PIP4K2A: variants seen among roughly 807,000 people sequenced by gnomAD.
The protein encoded by PIP4K2A is phosphatidylinositol 5-phosphate 4-kinase type-2 alpha.
In PIP4K2A, 14 loss-of-function variants were observed where a neutral mutation model predicts 42.9. The observed-to-expected ratio is 0.33, with a 90% CI of 0.22 to 0.51. PIP4K2A has a LOEUF of 0.51. Among genes scored for constraint, PIP4K2A ranks in the 20% least tolerant of loss-of-function variants. PIP4K2A has a pLI of 0.97. For missense variants in PIP4K2A, 434 were observed against 519.8 expected (o/e 0.83, Z 1.61); for synonymous variants, 192 against 192.2 (o/e 1.00, Z 0.01).
chr10:22,685,459 C>T (rs1839745963), intron 1 of PIP4K2A, among the ~76,000 whole-genome samples: 1 of 152,122 alleles, frequency 6.6e-6, no homozygotes, highest in Non-Finnish European at 1.5e-5. Context: ...CTTTGGGAGG[C>T]TGAGGCAGGA....
chr10:22,636,144 G>A (rs1838658091), intron 1 of PIP4K2A, among the ~76,000 whole-genome samples: 1 of 152,162 alleles, frequency 6.6e-6, no homozygotes, highest in African/African-American at 2.4e-5. Context: ...GTCTTGAAAA[G>A]GAACTGGAGA....
intron 1 of PIP4K2A, among the ~76,000 whole-genome samples, chr10:22,667,993 C>G (rs1839382958): frequency 6.6e-6 from 1 of 150,528 alleles, no homozygotes; most frequent in East Asian, 1.9e-4. Context: ...ACTCTATCAC[C>G]CAGGCTGGAC....
intron 1 of PIP4K2A, among the ~76,000 whole-genome samples, chr10:22,640,771 C>T (rs1359065466): frequency 9.9e-5 from 15 of 152,212 alleles, no homozygotes; most frequent in Admixed American, 9.8e-4. Context: ...GTTTTGTATT[C>T]CCTAATGCAA....
intron 1 of PIP4K2A, among the ~76,000 whole-genome samples, chr10:22,681,937 A>G (rs1374188921): frequency 1.3e-5 from 2 of 152,170 alleles, no homozygotes; most frequent in Non-Finnish European, 2.9e-5. Flanking sequence ...ACTTATCTAC[A>G]GACACTGAAA....
At chr10:22,699,459 C>G (rs935029567) in intron 1 of PIP4K2A, among the ~76,000 whole-genome samples, 3 of 151,616 alleles carry the variant, frequency 2.0e-5, no homozygotes, top group African/African-American at 7.3e-5. Flanking sequence ...TGCTGAGTAG[C>G]GCAGGGAGAC....
intron 3 of PIP4K2A, among the ~76,000 whole-genome samples, chr10:22,596,532 T>C (rs538552902): frequency 6.6e-6 from 1 of 152,330 alleles, no homozygotes; most frequent in South Asian, 2.1e-4. Flanking sequence ...AAACAGTCTA[T>C]CTACTGACAC....
chr10:22,541,118 A>G (rs941634413), intron 8 of PIP4K2A, among the ~76,000 whole-genome samples: 1 of 152,238 alleles, frequency 6.6e-6, no homozygotes, highest in African/African-American at 2.4e-5. Context: ...AGGATGTAAT[A>G]TTCAAATAAC....
intron 6 of PIP4K2A, among the ~76,000 whole-genome samples, chr10:22,561,006 A>G (rs1836678874): frequency 6.6e-6 from 1 of 152,244 alleles, no homozygotes; most frequent in Non-Finnish European, 1.5e-5. Flanking sequence ...CCGCTCAGCT[A>G]TAATTACTAA....
At chr10:22,601,806 G>C (rs1837787267) in intron 3 of PIP4K2A, among the ~76,000 whole-genome samples, 1 of 152,132 alleles carries the variant, frequency 6.6e-6, no homozygotes, top group African/African-American at 2.4e-5. Context: ...TAAGTCAACA[G>C]GTCAAAAACT....
At chr10:22,593,359 T>A (rs1221982053) in intron 3 of PIP4K2A, among the ~76,000 whole-genome samples, 1 of 152,042 alleles carries the variant, frequency 6.6e-6, no homozygotes, top group Non-Finnish European at 1.5e-5. Flanking sequence ...AAAAAAAAAA[T>A]CTACATAATC....
chr10:22,589,196 C>T (rs944281314), intron 4 of PIP4K2A, among the ~76,000 whole-genome samples: 3 of 152,132 alleles, frequency 2.0e-5, no homozygotes, highest in Admixed American at 2.0e-4. Context: ...GATATCACTT[C>T]GCTTTGAATG....
At chr10:22,705,099 G>A (rs1227696563) in intron 1 of PIP4K2A, among the ~76,000 whole-genome samples, 1 of 151,958 alleles carries the variant, frequency 6.6e-6, no homozygotes, top group African/African-American at 2.4e-5. Context: ...GGACGGGGTG[G>A]GGGAAGTGGG....
chr10:22,708,404 G>C (rs1434863677), intron 1 of PIP4K2A, among the ~76,000 whole-genome samples: 1 of 152,002 alleles, frequency 6.6e-6, no homozygotes, highest in Non-Finnish European at 1.5e-5. Context: ...TGTACGGGCA[G>C]GTCTCAATGG....
chr10:22,620,838 G>A (rs1317466854), intron 1 of PIP4K2A, among the ~76,000 whole-genome samples: 1 of 152,192 alleles, frequency 6.6e-6, no homozygotes, highest in South Asian at 2.1e-4. Flanking sequence ...AAATTCAAAT[G>A]AATCACAAAA....
At chr10:22,666,151 C>T (rs1405500399) in intron 1 of PIP4K2A, among the ~76,000 whole-genome samples, 2 of 152,174 alleles carry the variant, frequency 1.3e-5, no homozygotes, top group East Asian at 1.9e-4. Context: ...ATGCTACTTT[C>T]ATTACTCTCC....
At chr10:22,601,427 G>A (rs1837773555) in intron 3 of PIP4K2A, among the ~76,000 whole-genome samples, 1 of 152,182 alleles carries the variant, frequency 6.6e-6, no homozygotes, top group Non-Finnish European at 1.5e-5. Context: ...CTGATGGGCT[G>A]TGAGGGAGCT....
At chr10:22,539,094 C>A (rs1001379368) in intron 9 of PIP4K2A, among the ~76,000 whole-genome samples, 2 of 152,014 alleles carry the variant, frequency 1.3e-5, no homozygotes, top group African/African-American at 4.8e-5. Context: ...AAGATGGCAC[C>A]CTGCAATACA....
At chr10:22,705,852 G>A (rs12259159) in intron 1 of PIP4K2A, among the ~76,000 whole-genome samples, 58,239 of 151,422 alleles carry the variant, frequency 0.38, 13,431 homozygotes, top group African/African-American at 0.65. Context: ...TCACGCTGCT[G>A]TGAAGAAATA....
intron 1 of PIP4K2A, among the ~76,000 whole-genome samples, chr10:22,670,227 A>C (rs1207703363): frequency 6.6e-6 from 1 of 152,106 alleles, no homozygotes; most frequent in Non-Finnish European, 1.5e-5. Context: ...AAAACTACAA[A>C]AATTAGTCAG....
Sources: gnomAD v4.1 joint callset for allele counts (sites outside exome capture counted in the v4.1 genomes callset) on GRCh38, gnomAD v4.1.1 for gene constraint, MANE v1.5 for transcripts, NCBI Gene and HGNC (gene_info 2026-07-23, HGNC 2026-07-21) for gene names.